The following GRIK4 variants were observed in gnomAD, a reference collection of about 807,000 sequenced individuals.
GRIK4 encodes the protein glutamate receptor ionotropic, kainate 4.
A neutral mutation model predicts 104.9 loss-of-function variants in GRIK4; 40 were observed. The observed-to-expected ratio is 0.38, with a 90% CI of 0.30 to 0.50. GRIK4 has a LOEUF of 0.50. GRIK4 is among the 20% of genes least tolerant of loss of function. The pLI is 0.93. For synonymous variants in GRIK4, 485 were observed against 524.9 expected, an observed-to-expected ratio of 0.92 and a Z score of 1.04; for missense variants, 1,047 against 1,308.1, an observed-to-expected ratio of 0.80 and a Z score of 3.08.
intron 1 of GRIK4, among the ~76,000 whole-genome samples, chr11:120,585,730 T>TG (rs941867754): frequency 3.3e-5 from 5 of 151,698 alleles, no homozygotes; most frequent in Admixed American, 1.3e-4. Flanking sequence ...TTTTTGTTTT[T>TG]TTTTTTTGCA....
intron 11 of GRIK4, among the ~76,000 whole-genome samples, chr11:120,886,421 T>C (rs908161924): frequency 1.1e-4 from 16 of 152,196 alleles, no homozygotes; most frequent in African/African-American, 3.6e-4. Flanking sequence ...AGAGAAAGCA[T>C]GTGTGTTAGG....
intron 3 of GRIK4, among the ~76,000 whole-genome samples, chr11:120,802,466 C>G (rs369619376): frequency 6.6e-6 from 1 of 152,142 alleles, no homozygotes; most frequent in Admixed American, 6.5e-5. Flanking sequence ...ACAGGATTCC[C>G]GAGGCGTGCA....
chr11:120,959,943 C>T (rs1944251817), intron 16 of GRIK4, among the ~76,000 whole-genome samples: 2 of 152,178 alleles, frequency 1.3e-5, no homozygotes, highest in African/African-American at 4.8e-5. Flanking sequence ...GCAGGAAGAC[C>T]ACTTGAGCCC....
intron 1 of GRIK4, among the ~76,000 whole-genome samples, chr11:120,617,633 T>A (rs986451207): frequency 5.3e-5 from 8 of 152,186 alleles, no homozygotes; most frequent in Non-Finnish European, 7.3e-5. Flanking sequence ...TGGATTTCCC[T>A]CTTCGTGCTG....
chr11:120,858,772 C>T (rs1342223462), intron 8 of GRIK4, among the ~76,000 whole-genome samples: 1 of 152,054 alleles, frequency 6.6e-6, no homozygotes, highest in Non-Finnish European at 1.5e-5. Flanking sequence ...AGTTATTTCC[C>T]ATATTCTTTT....
At position 120,819,748 on chromosome 11, in the gene GRIK4, T is replaced by C; in HGVS notation, c.346-7T>C. On this transcript the variant is annotated splice_polypyrimidine_tract_variant and splice_region_variant and intron_variant, in intron 5 of 20. Coordinates refer to ENST00000527524, the MANE Select transcript of GRIK4 (RefSeq NM_014619.5). This position sits in a 1 kb window ranked among gnomAD's most constrained non-coding sequence, Gnocchi z 4.3. ...TCCCTGCTGTCCGTTTTTGCTCCTC[T>C]TGCCAGGTCCCTCACTTCAAAGTGG... 1 of 1,614,054 alleles carries C rather than the reference T, an allele frequency of 6.2e-7. No homozygotes were observed. Among genetic ancestry groups the C allele is most frequent in the Non-Finnish European group, 8.5e-7 (1 of 1,179,912 alleles).
chr11:120,735,088 C>T lies in GRIK4; in HGVS notation c.83-67605C>T, dbSNP rs539956910. Among the ~76,000 whole-genome samples, 8 of 152,176 alleles carry T rather than the reference C, an allele frequency of 5.3e-5. No homozygotes were observed. In the South Asian group the frequency reaches 1.2e-3, roughly 24 times the overall value. On this transcript the variant is annotated intron_variant, in intron 3 of 20. Coordinates refer to ENST00000527524, the MANE Select transcript of GRIK4 (RefSeq NM_014619.5). ...TTGGTCCCTCGTGCCTTATTTAGTT[C>T]CTTTGCTGAGGTCATGTTTTCCTGG...
chr11:120,737,957 G>GTGA (rs1233385468), intron 3 of GRIK4, among the ~76,000 whole-genome samples: 1 of 152,164 alleles, frequency 6.6e-6, no homozygotes, highest in Non-Finnish European at 1.5e-5. Context: ...ACCAGAAAAA[G>GTGA]TGATGAAAAC....
intron 3 of GRIK4, among the ~76,000 whole-genome samples, chr11:120,723,986 G>A (rs936779397): frequency 2.6e-5 from 4 of 151,708 alleles, no homozygotes; most frequent in Non-Finnish European, 5.9e-5. Flanking sequence ...CCTGCTCTTG[G>A]CAACCACTGA....
At position 120,859,669 on chromosome 11, in the gene GRIK4, A is replaced by G. The variant is rs113304952; in HGVS notation, c.745-2290A>G. Among the ~76,000 whole-genome samples the G allele has an allele frequency of 4.8e-4, 73 of 152,320 alleles. 2 individuals carry two copies. Among genetic ancestry groups the G allele is most frequent in the African/African-American group, 1.5e-3 (64 of 41,570 alleles). ...CTGCCCCAGTCCCTGCACCCTTGCC[A>G]AATGCATCTTCTTCCATTAGCCATC... On this transcript the variant is annotated intron_variant, in intron 8 of 20. Coordinates refer to ENST00000527524, the MANE Select transcript of GRIK4 (RefSeq NM_014619.5).
chr11:120,554,502 G>C (rs1477175046), intron 1 of GRIK4, among the ~76,000 whole-genome samples: 1 of 152,090 alleles, frequency 6.6e-6, no homozygotes, highest in Non-Finnish European at 1.5e-5. Context: ...GTCAAGGGGA[G>C]AGGTTTGGCT....
At chr11:120,647,362 C>G (rs1270389901) in intron 1 of GRIK4, among the ~76,000 whole-genome samples, 1 of 152,198 alleles carries the variant, frequency 6.6e-6, no homozygotes, top group African/African-American at 2.4e-5. Flanking sequence ...ATCGGGCGCC[C>G]CTTGGTCCCA....
intron 19 of GRIK4, 70 bp from the exon 20 acceptor site, chr11:120,982,036 A>G (rs1434583775): frequency 9.5e-7 from 1 of 1,048,444 alleles, no homozygotes; most frequent in Admixed American, 1.7e-5. Context: ...TGATTTTAGT[A>G]TTTTTGATAA....
chr11:120,662,667 T>G (rs1949836148), intron 3 of GRIK4, among the ~76,000 whole-genome samples: 1 of 152,064 alleles, frequency 6.6e-6, no homozygotes, highest in Non-Finnish European at 1.5e-5. Flanking sequence ...TTGAGAGGCT[T>G]ATGGGAAGGG....
At chr11:120,915,508 C>T (rs1041802154) in intron 13 of GRIK4, among the ~76,000 whole-genome samples, 2 of 152,074 alleles carry the variant, frequency 1.3e-5, no homozygotes, top group African/African-American at 4.8e-5. Flanking sequence ...GAGTGAGGTG[C>T]GCACACCCCA....
intron 1 of GRIK4, among the ~76,000 whole-genome samples, chr11:120,532,316 C>T (rs996349645): frequency 9.9e-5 from 15 of 152,244 alleles, no homozygotes; most frequent in South Asian, 4.1e-4. Context: ...TCCTTTGATC[C>T]GGCTGCCCTT....
chr11:120,516,251 C>T (rs1380067703), intron 1 of GRIK4, among the ~76,000 whole-genome samples: 4 of 152,132 alleles, frequency 2.6e-5, no homozygotes, highest in African/African-American at 9.7e-5. Context: ...TCTCTGGGAA[C>T]ATGGCGTGTG....
chr11:120,827,299 C>T (rs1285566999), intron 6 of GRIK4, among the ~76,000 whole-genome samples: 1 of 152,232 alleles, frequency 6.6e-6, no homozygotes, highest in Non-Finnish European at 1.5e-5. Flanking sequence ...CCCTCTTGGC[C>T]CCTGCCTTCC....
At position 120,710,608 on chromosome 11, in the gene GRIK4, G is replaced by A. The variant is rs542065359; in HGVS notation, c.82+50208G>A. Among the ~76,000 whole-genome samples the A allele has an allele frequency of 8.5e-5, 13 of 152,256 alleles. No homozygotes were observed. In the South Asian group the frequency reaches 2.5e-3, roughly 29 times the overall value. On this transcript the variant is annotated intron_variant, in intron 3 of 20. Coordinates refer to ENST00000527524, the MANE Select transcript of GRIK4 (RefSeq NM_014619.5). The stretch of plus-strand genomic sequence containing the variant: ...ATAGAGAGTCTTTCTTCACAGATTG[G>A]AATGCGCCCTGCGGTTTTTCTGTGC...
Sources: allele counts gnomAD v4.1 joint callset (sites outside exome capture counted in the v4.1 genomes callset), GRCh38; gene constraint gnomAD v4.1.1; non-coding constraint Gnocchi (gnomAD v3.1); transcripts MANE v1.5; gene names NCBI Gene and HGNC (gene_info 2026-07-23, HGNC 2026-07-21).